The following GFRA1 variants were observed in gnomAD, a reference collection of about 807,000 sequenced individuals.
The protein encoded by GFRA1 is GDNF family receptor alpha 1, also known as GDNF family receptor alpha-1.
In GFRA1, 16 loss-of-function variants were observed where a neutral mutation model predicts 51.6. The ratio of observed to expected loss-of-function variants is 0.31; its 90% CI spans 0.21 to 0.47. The LOEUF (loss-of-function observed/expected upper bound fraction) is 0.47. Among genes scored for constraint, GFRA1 ranks in the 20% least tolerant of loss-of-function variants. GFRA1 has a pLI of 1.00. For synonymous variants in GFRA1, 270 were observed against 241.3 expected (o/e 1.12, Z -1.10); for missense variants, 530 against 594.3 (o/e 0.89, Z 1.13).
chr10:116,104,366 T>C (rs1345733536), intron 6 of GFRA1, among the ~76,000 whole-genome samples: 2 of 152,220 alleles, frequency 1.3e-5, no homozygotes, highest in African/African-American at 2.4e-5. Flanking sequence ...CCGATCACTG[T>C]TGCTCCTCTG....
At chr10:116,102,302 C>T (rs532581498) in intron 6 of GFRA1, among the ~76,000 whole-genome samples, 97 of 152,288 alleles carry the variant, frequency 6.4e-4, no homozygotes, top group African/African-American at 2.3e-3. Context: ...CCTAATGTTC[C>T]ACAGGCCTTA....
Position 116,244,029 on chromosome 10 carries a change from G to A in GFRA1, c.418+25474C>T, listed in dbSNP as rs144518562. 1.4e-3 allele frequency among the ~76,000 whole-genome samples: 210 copies of A among 152,186 alleles called. 1 individual carries two copies. Among genetic ancestry groups the A allele is most frequent in the African/African-American group, 4.9e-3 (203 of 41,528 alleles). On this transcript the variant is annotated intron_variant, in intron 4 of 10. Transcript: ENST00000355422. ...AAGAAAATATAGATGACTGCATAAG[G>A]TTGCCTTAAAGACCCTATGTAGGAA...
At chr10:116,115,785 G>A (rs1957389219) in intron 6 of GFRA1, among the ~76,000 whole-genome samples, 1 of 152,192 alleles carries the variant, frequency 6.6e-6, no homozygotes, top group South Asian at 2.1e-4. Flanking sequence ...ATCCAGTTGG[G>A]TTAGTTCAGG....
At chr10:116,148,128 G>GTGTGTGCATGCGT (rs1565610771) in intron 5 of GFRA1, among the ~76,000 whole-genome samples, 8 of 150,958 alleles carry the variant, frequency 5.3e-5, no homozygotes, top group African/African-American at 1.7e-4. Flanking sequence ...GCATGTGTGT[G>GTGTGTGCATGCGT]GGGTGGGGGG....
intron 5 of GFRA1, among the ~76,000 whole-genome samples, chr10:116,162,919 T>C (rs1288249070): frequency 6.6e-6 from 1 of 152,214 alleles, no homozygotes; most frequent in Non-Finnish European, 1.5e-5. Context: ...TCCAGTCGCC[T>C]GTCTGAACAT....
intron 6 of GFRA1, among the ~76,000 whole-genome samples, chr10:116,115,169 C>T (rs1003818145): frequency 2.0e-5 from 3 of 152,174 alleles, no homozygotes; most frequent in Non-Finnish European, 4.4e-5. Context: ...CGAGCAATTT[C>T]CCATTCACTG....
intron 6 of GFRA1, among the ~76,000 whole-genome samples, chr10:116,115,502 C>T (rs1448778431): frequency 6.6e-6 from 1 of 152,168 alleles, no homozygotes; most frequent in African/African-American, 2.4e-5. Context: ...CAGCCCTGCC[C>T]TGCCCTCCAG....
chr10:116,179,027 G>A (rs144662446), intron 5 of GFRA1, among the ~76,000 whole-genome samples: 1 of 152,280 alleles, frequency 6.6e-6, no homozygotes, highest in Non-Finnish European at 1.5e-5. Flanking sequence ...CTGCTGGTGC[G>A]CACGGTGTAT....
At chr10:116,077,798 GGCTGGGGGGGACA>G (rs1955679863) in intron 9 of GFRA1, among the ~76,000 whole-genome samples, 2 of 152,210 alleles carry the variant, frequency 1.3e-5, no homozygotes, top group Admixed American at 1.3e-4. Flanking sequence ...GATGTCGGCA[GGCTGGGGGGGACA>G]GCTTGTCCTC....
intron 5 of GFRA1, among the ~76,000 whole-genome samples, chr10:116,139,216 G>A (rs1324917220): frequency 6.6e-6 from 1 of 152,140 alleles, no homozygotes; most frequent in African/African-American, 2.4e-5. Context: ...CATTACTTTT[G>A]CACCAACCTA....
At chr10:116,156,180 T>C (rs1366089604) in intron 5 of GFRA1, among the ~76,000 whole-genome samples, 1 of 152,184 alleles carries the variant, frequency 6.6e-6, no homozygotes, top group Non-Finnish European at 1.5e-5. Flanking sequence ...AGATTCTAGA[T>C]GGTAGATTGG....
chr10:116,142,853 C>CATT (rs1447604122), intron 5 of GFRA1, among the ~76,000 whole-genome samples: 1 of 152,180 alleles, frequency 6.6e-6, no homozygotes, highest in East Asian at 1.9e-4. Context: ...CCACTCATTA[C>CATT]ATTCCAACAG....
chr10:116,064,960 T>C (rs1008893652), intron 10 of GFRA1, among the ~76,000 whole-genome samples: 3 of 151,914 alleles, frequency 2.0e-5, no homozygotes, highest in Non-Finnish European at 4.4e-5. Context: ...AGATGAGGAG[T>C]TGGAGAGAGC....
intron 9 of GFRA1, among the ~76,000 whole-genome samples, chr10:116,089,485 T>C (rs529556113): frequency 6.6e-6 from 1 of 152,238 alleles, no homozygotes; most frequent in African/African-American, 2.4e-5. Context: ...ACCCTCATTG[T>C]ATAGGTAAAG....
chr10:116,206,622 C>CCTTTTT (rs1964779732), intron 5 of GFRA1, among the ~76,000 whole-genome samples: 1 of 84,494 alleles, frequency 1.2e-5, no homozygotes, highest in Non-Finnish European at 2.2e-5. Flanking sequence ...ACCACATTCT[C>CCTTTTT]TTTTTTTTTT....
intron 4 of GFRA1, among the ~76,000 whole-genome samples, chr10:116,261,493 T>C (rs1314514227): frequency 1.3e-5 from 2 of 152,232 alleles, no homozygotes; most frequent in Non-Finnish European, 1.5e-5. Context: ...AGCTTCATTT[T>C]CTCTTTCCTA....
intron 4 of GFRA1, among the ~76,000 whole-genome samples, chr10:116,257,340 A>G (rs1235122260): frequency 1.9e-5 from 2 of 107,422 alleles, no homozygotes; most frequent in East Asian, 6.4e-4. Context: ...AGATGCAGCC[A>G]GCCTGCCACA....
intron 9 of GFRA1, among the ~76,000 whole-genome samples, chr10:116,071,700 T>C (rs936754447): frequency 1.3e-5 from 2 of 152,168 alleles, no homozygotes; most frequent in African/African-American, 2.4e-5. Context: ...ACCCTCTTCT[T>C]TGACCTGACT....
intron 4 of GFRA1, among the ~76,000 whole-genome samples, chr10:116,240,078 C>T (rs926937451): frequency 3.3e-5 from 5 of 152,190 alleles, no homozygotes; most frequent in Admixed American, 6.5e-5. Context: ...ATTAAAAAAA[C>T]GGAAATCATT....
Sources: gnomAD v4.1 joint callset for allele counts (sites outside exome capture counted in the v4.1 genomes callset) on GRCh38, gnomAD v4.1.1 for gene constraint, MANE v1.5 for transcripts, NCBI Gene and HGNC (gene_info 2026-07-23, HGNC 2026-07-21) for gene names.